Variants in KIF19 observed in about 807,000 individuals in gnomAD.
The protein encoded by KIF19 is kinesin-like protein KIF19.
Under a neutral mutation model 106.6 loss-of-function variants are expected in KIF19, and 98 were observed. The observed-to-expected ratio is 0.92, with a 90% confidence interval of 0.78 to 1.09. The LOEUF is 1.09. Ranked by LOEUF, KIF19 falls within the 50% of genes least tolerant of loss-of-function variation. KIF19 has a pLI of 0.00. For missense variants in KIF19, 1,373 were observed against 1,414.3 expected (o/e 0.97, Z 0.47); for synonymous variants, 516 against 584.2 (o/e 0.88, Z 1.68).
At chr17:74,334,674 T>C (rs2054178747) in intron 2 of KIF19, among the ~76,000 whole-genome samples, 1 of 152,196 alleles carries the variant, frequency 6.6e-6, no homozygotes, top group African/African-American at 2.4e-5. Flanking sequence ...GTTGCCTTTA[T>C]TGAGGACTCC....
At position 74,351,947 on chromosome 17, in the gene KIF19, C is replaced by G. The variant is rs1465450426; in HGVS notation, c.1668C>G (p.Ser556=). 8.7e-6 allele frequency: 13 copies of G among 1,493,972 alleles called. No homozygotes were observed. The highest frequency in any genetic ancestry group is 1.2e-5 in the Non-Finnish European group (13 of 1,128,808). 92.5% of individuals were successfully genotyped at this position (1,493,972 alleles called of 1,614,324 possible). Residue 556 remains serine (S), a synonymous_variant, in exon 13 of 20, where the codon TCC becomes TCG. Transcript: ENST00000389916. ...LEETLPRRIG[S]EEQREVLSLL... is the part of the protein sequence containing the mutation. ...AGACGCTGCCGCGGCGCATCGGCTC[C>G]GAGGAGCAGCGCGAGGTGCTCAGCC...
At chr17:74,344,689 C>A in intron 6 of KIF19, 72 bp from the exon 7 acceptor site, 1 of 1,476,796 alleles carries the variant, frequency 6.8e-7, no homozygotes, top group East Asian at 2.3e-5. Context: ...CCTGCTAGCC[C>A]CCTCAGGGGC....
At position 74,350,518 on chromosome 17, in the gene KIF19, A is replaced by G; in HGVS notation, c.1331A>G (p.Glu444Gly). The G allele has an allele frequency of 6.2e-7, 1 of 1,612,848 alleles. No individual in the cohort carries two copies. Among genetic ancestry groups the G allele is most frequent in the Non-Finnish European group, 8.5e-7 (1 of 1,179,832 alleles). The change falls in exon 11 of 20, where the codon GAG becomes GGG. Residue 444 changes from glutamate (E) to glycine (G), a missense_variant. Glu to Gly is a moderately conservative substitution (Grantham distance 98, BLOSUM62 -2). Transcript: ENST00000389916. ...GTGCGGAGGCGCCTGCTGGAGCTGGAGAACCGCGCCATGGAGGTCCAGATT... is the reference window on the plus strand; with the variant it reads ...GTGCGGAGGCGCCTGCTGGAGCTGGGGAACCGCGCCATGGAGGTCCAGATT... ...MDVRRRLLEL[E>G]NRAMEVQIDT...
intron 10 of KIF19, 108 bp from the exon 11 acceptor site, chr17:74,350,292 TG>T: frequency 2.0e-6 from 2 of 1,018,428 alleles, no homozygotes; most frequent in South Asian, 1.7e-5. Context: ...GGACAGGAAG[TG>T]GGAGCACTGA....
At chr17:74,337,295 GA>G (rs1172086709) in intron 2 of KIF19, among the ~76,000 whole-genome samples, 1 of 143,462 alleles carries the variant, frequency 7.0e-6, no homozygotes, top group Non-Finnish European at 1.5e-5. Context: ...AGGCTCAGAG[GA>G]TGTACAGAAG....
At chr17:74,335,086 A>G (rs2054186874) in intron 2 of KIF19, among the ~76,000 whole-genome samples, 1 of 152,172 alleles carries the variant, frequency 6.6e-6, no homozygotes, top group Non-Finnish European at 1.5e-5. Flanking sequence ...GATTTTTGCC[A>G]CTAGCCTTGG....
At chr17:74,332,149 C>A (rs1382866412) in intron 2 of KIF19, among the ~76,000 whole-genome samples, 5 of 150,316 alleles carry the variant, frequency 3.3e-5, no homozygotes, top group African/African-American at 1.2e-4. Flanking sequence ...TGTGTCAGAG[C>A]ACTCAGGACG....
At chr17:74,352,687 C>T in intron 14 of KIF19, 134 bp from the exon 15 acceptor site, 1 of 1,141,392 alleles carries the variant, frequency 8.8e-7, no homozygotes, top group Non-Finnish European at 1.3e-6. Flanking sequence ...AGGACCCAAA[C>T]ACAAGCCCAC....
intron 2 of KIF19, among the ~76,000 whole-genome samples, chr17:74,334,759 C>A (rs1050499383): frequency 6.6e-6 from 1 of 152,044 alleles, no homozygotes; most frequent in Non-Finnish European, 1.5e-5. Flanking sequence ...AACAAACAAA[C>A]AGAAACAGAA....
Position 74,355,336 on chromosome 17 carries a change from T to G in KIF19, c.*24T>G, listed in dbSNP as rs772654070. 1 of 1,587,294 alleles carries G rather than the reference T, an allele frequency of 6.3e-7. No homozygotes were observed. Among genetic ancestry groups the G allele is most frequent in the Non-Finnish European group, 8.6e-7 (1 of 1,168,836 alleles). ...GAGGGGCCCTGCCTGGAACTGGCTC[T>G]CTCACCTCCCAAGACTGAATGGGGT... is the stretch of plus-strand genomic sequence containing the variant. On this transcript the variant is annotated 3_prime_UTR_variant, in exon 20 of 20. Coordinates refer to ENST00000389916, the MANE Select transcript of KIF19 (RefSeq NM_153209.4).
At chr17:74,339,123 G>A (rs1020816437) in intron 2 of KIF19, among the ~76,000 whole-genome samples, 2 of 151,870 alleles carry the variant, frequency 1.3e-5, no homozygotes, top group Non-Finnish European at 1.5e-5. Flanking sequence ...CACACCCTGG[G>A]TGTTGGGGCT....
chr17:74,343,017 G>C lies in KIF19; in HGVS notation c.320-7G>C. 1 of 1,569,190 alleles carries C rather than the reference G, an allele frequency of 6.4e-7. No individual in the cohort carries two copies. Among genetic ancestry groups the C allele is most frequent in the Middle Eastern group, 1.8e-4 (1 of 5,602 alleles). ...CCCCGGTCACCCTCCACCTTGTTCT[G>C]CCCCAGGCTGTGGGAAAACCTACAC... On this transcript the variant is annotated splice_polypyrimidine_tract_variant and splice_region_variant and intron_variant, in intron 4 of 19. Transcript: ENST00000389916.
Position 74,326,297 on chromosome 17 carries a change from G to A in KIF19, c.-53G>A, listed in dbSNP as rs982446963. The A allele has an allele frequency of 2.6e-6, 4 of 1,563,700 alleles. No individual in the cohort carries two copies. Among genetic ancestry groups the A allele is most frequent in the African/African-American group, 2.8e-5 (2 of 71,780 alleles). On this transcript the variant is annotated 5_prime_UTR_variant, in exon 1 of 20. Coordinates refer to ENST00000389916, the MANE Select transcript of KIF19 (RefSeq NM_153209.4). Reference sequence around the variant, plus strand: ...GACGCGACCCGGAGGCGGTGGGGGTGCGGCTGAGCCATGCCCGGTGGCGCG... The same window carrying A: ...GACGCGACCCGGAGGCGGTGGGGGTACGGCTGAGCCATGCCCGGTGGCGCG...
intron 17 of KIF19, 67 bp downstream of exon 17, chr17:74,353,648 T>A: frequency 7.6e-7 from 1 of 1,321,282 alleles, no homozygotes; most frequent in South Asian, 1.2e-5. Context: ...ATCACCCAGC[T>A]CAAAGCCCTT....
intron 5 of KIF19, among the ~76,000 whole-genome samples, chr17:74,343,942 C>T (rs543205253): frequency 6.6e-6 from 1 of 152,272 alleles, no homozygotes; most frequent in Admixed American, 6.5e-5. Context: ...CAGGACCCTG[C>T]CCGGTGCCCA....
intron 13 of KIF19, 40 bp from the exon 14 acceptor site, chr17:74,352,179 G>A (rs771369239): frequency 1.5e-5 from 24 of 1,589,596 alleles, no homozygotes; most frequent in African/African-American, 5.4e-5. Flanking sequence ...CCCGCGGGGG[G>A]GCCGCTGGCA....
chr17:74,344,498 TCA>T, intron 6 of KIF19, 150 bp downstream of exon 6: 1 of 1,256,372 alleles, frequency 8.0e-7, no homozygotes, highest in South Asian at 1.4e-5. Flanking sequence ...AGGAGGGGAC[TCA>T]CACCTGCCCC....
At chr17:74,337,313 C>T (rs531061761) in intron 2 of KIF19, among the ~76,000 whole-genome samples, 2 of 133,804 alleles carry the variant, frequency 1.5e-5, no homozygotes, top group African/African-American at 2.8e-5. Flanking sequence ...GAAGCCTCCC[C>T]TAGTAGGGAC....
intron 5 of KIF19, 83 bp from the exon 6 acceptor site, chr17:74,344,140 G>A (rs895786784): frequency 6.7e-6 from 9 of 1,334,804 alleles, no homozygotes; most frequent in Admixed American, 4.6e-5. Context: ...TTTCCTGCAC[G>A]AAAGGAAAGG....
Sources: allele counts gnomAD v4.1 joint callset (sites outside exome capture counted in the v4.1 genomes callset), GRCh38; gene constraint gnomAD v4.1.1; transcripts MANE v1.5; gene names NCBI Gene and HGNC (gene_info 2026-07-23, HGNC 2026-07-21).